MYO3B: variants seen among roughly 807,000 people sequenced by gnomAD.
MYO3B encodes myosin-IIIb.
A neutral mutation model predicts 174.6 loss-of-function variants in MYO3B; 156 were observed. The ratio of observed to expected loss-of-function variants is 0.89; its 90% CI spans 0.78 to 1.02. The LOEUF is 1.02. Among genes scored for constraint, MYO3B ranks in the 50% least tolerant of loss-of-function variants. MYO3B has a pLI of 0.00. For synonymous variants in MYO3B, 563 were observed against 569.1 expected (o/e 0.99, Z 0.15); for missense variants, 1,632 against 1,639.4 (o/e 1.00, Z 0.08).
intron 8 of MYO3B, among the ~76,000 whole-genome samples, chr2:170,362,288 C>T (rs1041217249): frequency 1.3e-5 from 2 of 152,198 alleles, no homozygotes; most frequent in Non-Finnish European, 2.9e-5. Context: ...AAGTTTCCTG[C>T]CCAGTGTCAG....
chr2:170,315,346 CT>C (rs2093767852), intron 7 of MYO3B, among the ~76,000 whole-genome samples: 4 of 150,118 alleles, frequency 2.7e-5, no homozygotes, highest in Non-Finnish European at 4.4e-5. Flanking sequence ...CAGTCTCGCT[CT>C]GTTGCCCAGG....
At chr2:170,638,076 C>T (rs927467286) in intron 32 of MYO3B, among the ~76,000 whole-genome samples, 1 of 132,498 alleles carries the variant, frequency 7.5e-6, no homozygotes, top group Non-Finnish European at 1.6e-5. Flanking sequence ...TCTATTTCCA[C>T]TCAATCTCTC....
intron 9 of MYO3B, among the ~76,000 whole-genome samples, chr2:170,372,491 T>A (rs1214010450): frequency 6.6e-6 from 1 of 152,212 alleles, no homozygotes; most frequent in East Asian, 1.9e-4. Flanking sequence ...AATATCCCAT[T>A]TTATCTCTTA....
intron 29 of MYO3B, among the ~76,000 whole-genome samples, 177 bp downstream of exon 29, chr2:170,515,199 T>C (rs1038199224): frequency 1.3e-5 from 2 of 152,120 alleles, no homozygotes; most frequent in Non-Finnish European, 2.9e-5. Flanking sequence ...CTCTGAAGGG[T>C]GATTTCATAG....
At chr2:170,553,575 T>C (rs1172911447) in intron 32 of MYO3B, among the ~76,000 whole-genome samples, 1 of 59,926 alleles carries the variant, frequency 1.7e-5, no homozygotes, top group Non-Finnish European at 3.5e-5. Context: ...TACAGGCTTA[T>C]AGGTGGAAGG....
At chr2:170,438,279 T>C (rs960804871) in intron 22 of MYO3B, among the ~76,000 whole-genome samples, 1 of 152,206 alleles carries the variant, frequency 6.6e-6, no homozygotes, top group South Asian at 2.1e-4. Flanking sequence ...TTTTTAAGGC[T>C]GGGTATTCAA....
chr2:170,433,626 T>A (rs1014495686), intron 22 of MYO3B, among the ~76,000 whole-genome samples: 1 of 152,186 alleles, frequency 6.6e-6, no homozygotes, highest in Non-Finnish European at 1.5e-5. Flanking sequence ...TTTTAGAAAG[T>A]CCTTGGAAAC....
At chr2:170,434,559 G>A (rs748556288) in intron 22 of MYO3B, among the ~76,000 whole-genome samples, 4 of 152,140 alleles carry the variant, frequency 2.6e-5, no homozygotes, top group African/African-American at 7.2e-5. Flanking sequence ...AGAGAATGAC[G>A]GGTGAGTGCT....
chr2:170,364,964 T>C (rs968235241), intron 8 of MYO3B, among the ~76,000 whole-genome samples: 38 of 152,192 alleles, frequency 2.5e-4, no homozygotes, highest in African/African-American at 8.9e-4. Flanking sequence ...GCAGCTTGTC[T>C]AGTCTGCTTC....
At chr2:170,461,140 C>G (rs568450267) in intron 23 of MYO3B, among the ~76,000 whole-genome samples, 4 of 152,176 alleles carry the variant, frequency 2.6e-5, no homozygotes, top group Admixed American at 2.6e-4. Flanking sequence ...AAGCCAGGTT[C>G]AAAGCAAGAG....
chr2:170,233,666 C>A (rs531110639), intron 6 of MYO3B, among the ~76,000 whole-genome samples: 1 of 152,044 alleles, frequency 6.6e-6, no homozygotes, highest in Non-Finnish European at 1.5e-5. Context: ...TGGGGCCAGG[C>A]CAAGGATGTG....
intron 11 of MYO3B, 79 bp downstream of exon 11, chr2:170,383,268 T>A: frequency 1.1e-6 from 1 of 892,184 alleles, no homozygotes; most frequent in Non-Finnish European, 1.8e-6. Context: ...AAAGAAAAAG[T>A]AAGAATAAAA....
At chr2:170,652,062 G>A (rs749425802) in intron 33 of MYO3B, 46 bp from the exon 34 acceptor site, 7 of 1,574,288 alleles carry the variant, frequency 4.4e-6, no homozygotes, top group Middle Eastern at 1.7e-4. Flanking sequence ...AAAAATTAAC[G>A]ACTTGCTGCT....
chr2:170,556,055 G>A (rs866571790), intron 32 of MYO3B, among the ~76,000 whole-genome samples: 3 of 151,978 alleles, frequency 2.0e-5, no homozygotes, highest in Middle Eastern at 3.2e-3. Flanking sequence ...AATTAGCTGG[G>A]CGTAATAGCA....
chr2:170,377,430 T>C (rs1183664439), intron 9 of MYO3B, among the ~76,000 whole-genome samples: 1 of 152,214 alleles, frequency 6.6e-6, no homozygotes, highest in Non-Finnish European at 1.5e-5. Context: ...TACCTCTGGC[T>C]CTGTCTTTCC....
chr2:170,386,118 A>T (rs1574893517), intron 12 of MYO3B, 71 bp from the exon 13 acceptor site: 1 of 1,256,006 alleles, frequency 8.0e-7, no homozygotes, highest in East Asian at 2.3e-5. Flanking sequence ...ACAGTAGTGG[A>T]TGTTATATGA....
intron 6 of MYO3B, among the ~76,000 whole-genome samples, chr2:170,226,901 T>A (rs1221775449): frequency 6.6e-6 from 1 of 152,172 alleles, no homozygotes; most frequent in Non-Finnish European, 1.5e-5. Flanking sequence ...CTTCTCTTCA[T>A]CCACCAAAGA....
Position 170,383,730 on chromosome 2 carries a change from G to T in MYO3B, c.1206G>T (p.Gly402=). ...YSPQFSRLYH[G]VKRASNPPHI... is the part of the protein sequence containing the mutation. ...TTCAGTTTTCCAGACTTTATCATGG[G>T]GTGAAACGCGCCTCCAATCCCCCCC... Residue 402 remains glycine (G), a synonymous_variant, in exon 12 of 35, where the codon GGG becomes GGT. Coordinates refer to ENST00000408978, the MANE Select transcript of MYO3B (RefSeq NM_138995.5). 6.2e-7 allele frequency: 1 copy of T among 1,613,528 alleles called. No individual in the cohort carries two copies. The highest frequency in any genetic ancestry group is 1.1e-5 in the South Asian group (1 of 91,052).
At position 170,219,980 on chromosome 2, in the gene MYO3B, C is replaced by T. The variant is rs570529448; in HGVS notation, c.603+2585C>T. 1.5e-4 allele frequency among the ~76,000 whole-genome samples: 23 copies of T among 152,180 alleles called. No homozygotes were observed. The Middle Eastern group carries it at 0.017, about 113-fold the overall frequency. On this transcript the variant is annotated intron_variant, in intron 6 of 34. Coordinates refer to ENST00000408978, the MANE Select transcript of MYO3B (RefSeq NM_138995.5). ...ACATTTATTAAGAGGTGTTTGTGGC[C>T]GGGTGTGGTGGCTCATACCTGTAAT...
Sources: gnomAD v4.1 joint callset for allele counts (sites outside exome capture counted in the v4.1 genomes callset) on GRCh38, gnomAD v4.1.1 for gene constraint, MANE v1.5 for transcripts, NCBI Gene and HGNC (gene_info 2026-07-23, HGNC 2026-07-21) for gene names.